Variants in ANO3 observed in about 807,000 individuals in gnomAD.
The protein encoded by ANO3 is anoctamin 3.
In ANO3, 99 loss-of-function variants were observed where a neutral mutation model predicts 144.8. The ratio of observed to expected loss-of-function variants is 0.68; its 90% CI spans 0.58 to 0.81. The LOEUF is 0.81. Among genes scored for constraint, ANO3 ranks in the 30% least tolerant of loss-of-function variants. The pLI, the probability that ANO3 is intolerant of heterozygous loss-of-function variation, is 0.00. For missense variants in ANO3, 905 were observed against 1,202.2 expected, an observed-to-expected ratio of 0.75 and a Z score of 3.66; for synonymous variants, 414 against 392.6, an observed-to-expected ratio of 1.05 and a Z score of -0.64.
intron 17 of ANO3, among the ~76,000 whole-genome samples, chr11:26,622,133 G>A (rs1852433259): frequency 6.6e-6 from 1 of 152,160 alleles, no homozygotes; most frequent in Non-Finnish European, 1.5e-5. Context: ...GTCAGCCATA[G>A]CATTTGGGCC....
chr11:26,344,681 A>G (rs552183832), intron 1 of ANO3, among the ~76,000 whole-genome samples: 1 of 152,176 alleles, frequency 6.6e-6, no homozygotes, highest in Non-Finnish European at 1.5e-5. Flanking sequence ...TTGTCTTTTT[A>G]AAGACTGTCT....
chr11:26,623,540 C>A (rs763416112), intron 17 of ANO3, among the ~76,000 whole-genome samples: 6 of 151,958 alleles, frequency 3.9e-5, no homozygotes, highest in Non-Finnish European at 7.4e-5. Context: ...GAAAAGATGG[C>A]AGAAGAGGAA....
intron 12 of ANO3, 95 bp downstream of exon 12, chr11:26,547,645 G>T: frequency 8.6e-7 from 1 of 1,166,406 alleles, no homozygotes; most frequent in East Asian, 2.4e-5. Flanking sequence ...TCAAATGGTT[G>T]ATGATACTAC....
intron 1 of ANO3, among the ~76,000 whole-genome samples, chr11:26,343,745 AGT>A (rs138808170): frequency 1.4e-4 from 22 of 152,306 alleles, no homozygotes; most frequent in African/African-American, 5.3e-4. Context: ...TCTGTATACG[AGT>A]GTATGACCTT....
intron 1 of ANO3, among the ~76,000 whole-genome samples, chr11:26,438,886 TGAAAA>T (rs1422456687): frequency 2.0e-5 from 3 of 152,152 alleles, no homozygotes; most frequent in Admixed American, 2.0e-4. Context: ...AAAGCAATCT[TGAAAA>T]GAGAGAACAA....
chr11:26,213,569 A>C (rs755329082), intron 1 of ANO3, among the ~76,000 whole-genome samples: 6 of 152,178 alleles, frequency 3.9e-5, no homozygotes, highest in Non-Finnish European at 7.4e-5. Flanking sequence ...ACAACTTACA[A>C]GGGATGTGAA....
intron 14 of ANO3, among the ~76,000 whole-genome samples, chr11:26,575,535 A>G (rs1179820191): frequency 2.0e-5 from 3 of 152,152 alleles, no homozygotes; most frequent in African/African-American, 7.2e-5. Flanking sequence ...TTAAAGAGAC[A>G]CAATTAGGTA....
intron 24 of ANO3, among the ~76,000 whole-genome samples, chr11:26,651,239 G>C (rs919845339): frequency 6.6e-6 from 1 of 152,144 alleles, no homozygotes; most frequent in African/African-American, 2.4e-5. Context: ...ATGCAAGTTA[G>C]ACTTAGGGAT....
rs1014365030 is a variant in ANO3, at chr11:26,272,024, G to T, written c.155-37621G>T. ...ATAGCCAGTTCCTGCTGCTAGTGTG[G>T]TGAGATCAAGTGTTTTGAGTATCTA... On this transcript the variant is annotated intron_variant, in intron 1 of 27. Coordinates refer to the ANO3 transcript ENST00000672621. Among the ~76,000 whole-genome samples, 22 of 151,998 alleles carry T rather than the reference G, an allele frequency of 1.4e-4. 1 individual carries two copies. Among genetic ancestry groups the T allele is most frequent in the Non-Finnish European group, 1.3e-4 (9 of 67,998 alleles).
intron 1 of ANO3, among the ~76,000 whole-genome samples, chr11:26,439,680 T>C (rs569975784): frequency 1.3e-5 from 2 of 152,320 alleles, no homozygotes; most frequent in South Asian, 2.1e-4. Context: ...GATAGATCTG[T>C]ATGTGTTGAG....
chr11:26,225,524 G>A (rs944569596), intron 1 of ANO3, among the ~76,000 whole-genome samples: 5 of 150,796 alleles, frequency 3.3e-5, no homozygotes, highest in African/African-American at 7.3e-5. Context: ...ATATGACATC[G>A]ATTTTGCAAT....
chr11:26,478,466 C>T (rs1420174763), intron 4 of ANO3, among the ~76,000 whole-genome samples: 1 of 152,076 alleles, frequency 6.6e-6, no homozygotes, highest in African/African-American at 2.4e-5. Context: ...GGCCCTCTTT[C>T]CCTACTTGAA....
At chr11:26,361,008 T>C (rs562213987) in intron 1 of ANO3, among the ~76,000 whole-genome samples, 10 of 152,330 alleles carry the variant, frequency 6.6e-5, no homozygotes, top group Non-Finnish European at 1.0e-4. Flanking sequence ...GTCCGTCACC[T>C]CTAAATTTTA....
intron 14 of ANO3, among the ~76,000 whole-genome samples, chr11:26,597,100 G>T (rs138959949): frequency 0.064 from 9,685 of 152,240 alleles, 402 homozygotes; most frequent in Middle Eastern, 0.13. Flanking sequence ...GCAAGTGAAA[G>T]TGGTTCAGTA....
intron 1 of ANO3, among the ~76,000 whole-genome samples, chr11:26,313,249 T>C (rs1477464859): frequency 2.0e-5 from 3 of 152,228 alleles, no homozygotes; most frequent in African/African-American, 7.2e-5. Flanking sequence ...TTGCTGTGAA[T>C]CTTTTTTGTA....
At chr11:26,500,156 C>A (rs1861135207) in intron 4 of ANO3, among the ~76,000 whole-genome samples, 1 of 151,876 alleles carries the variant, frequency 6.6e-6, no homozygotes, top group African/African-American at 2.4e-5. Flanking sequence ...CTTTCTATTG[C>A]CAAATATTTT....
chr11:26,635,837 C>T (rs1280210499), intron 20 of ANO3, among the ~76,000 whole-genome samples: 1 of 152,160 alleles, frequency 6.6e-6, no homozygotes. Context: ...TATTCTAATT[C>T]TTCCCACCCA....
chr11:26,592,934 G>A (rs186189083), intron 14 of ANO3, among the ~76,000 whole-genome samples: 3 of 152,048 alleles, frequency 2.0e-5, no homozygotes, highest in Non-Finnish European at 2.9e-5. Flanking sequence ...TTGGTTTCCC[G>A]GAGGGGATTA....
intron 1 of ANO3, among the ~76,000 whole-genome samples, chr11:26,190,845 T>C (rs925792079): frequency 6.6e-6 from 1 of 152,174 alleles, no homozygotes; most frequent in African/African-American, 2.4e-5. Context: ...ACTCAACACA[T>C]CCCAGTTGAA....
Sources: allele counts gnomAD v4.1 joint callset (sites outside exome capture counted in the v4.1 genomes callset), GRCh38; gene constraint gnomAD v4.1.1; transcripts MANE v1.5; gene names NCBI Gene and HGNC (gene_info 2026-07-23, HGNC 2026-07-21).